Variants in CEMIP observed in about 807,000 individuals in gnomAD.
CEMIP encodes the protein cell migration inducing hyaluronidase 1, also known as cell migration-inducing and hyaluronan-binding protein.
A neutral mutation model predicts 156.9 loss-of-function variants in CEMIP; 105 were observed. That is an observed-to-expected ratio of 0.67 (90% CI 0.57 to 0.79). CEMIP has a LOEUF of 0.79. Among genes scored for constraint, CEMIP ranks in the 30% least tolerant of loss-of-function variants. The pLI, the probability that CEMIP is intolerant of heterozygous loss-of-function variation, is 0.00. For synonymous variants in CEMIP, 676 were observed against 668.4 expected (o/e 1.01, Z -0.17); for missense variants, 1,457 against 1,769.4 (o/e 0.82, Z 3.17).
Position 80,950,455 on chromosome 15 carries a change from C to G in CEMIP, c.*1531C>G, listed in dbSNP as rs1320211982. On this transcript the variant is annotated 3_prime_UTR_variant, in exon 30 of 30. Transcript: ENST00000394685. ...TAGCAGATCTCTTCCCTCCTGCTCC[C>G]AGCGCACACAAACCCGCCCTCCCCT... 1 of 152,280 alleles carries G rather than the reference C, an allele frequency of 6.6e-6. No individual in the cohort carries two copies. Among genetic ancestry groups the G allele is most frequent in the Non-Finnish European group, 1.5e-5 (1 of 68,080 alleles). The allele number at this position is 152,280 out of a possible 1,614,324, so 9.4% of individuals were successfully genotyped here.
intron 28 of CEMIP, among the ~76,000 whole-genome samples, chr15:80,946,052 A>G (rs766835278): frequency 4.7e-4 from 71 of 152,226 alleles, no homozygotes; most frequent in Non-Finnish European, 8.4e-4. Context: ...CCCCATTTGC[A>G]AAATAGAGGC....
At chr15:80,868,174 G>T (rs1274663130) in intron 1 of CEMIP, among the ~76,000 whole-genome samples, 4 of 152,144 alleles carry the variant, frequency 2.6e-5, no homozygotes, top group African/African-American at 9.7e-5. Flanking sequence ...CAAAGGAAGG[G>T]GGAAACATAG....
intron 28 of CEMIP, 76 bp from the exon 29 acceptor site, chr15:80,946,889 A>G: frequency 4.0e-6 from 4 of 1,000,654 alleles, no homozygotes; most frequent in Non-Finnish European, 6.3e-6. Flanking sequence ...ACCATGCACA[A>G]ACCAACATCC....
At chr15:80,929,811 A>G (rs1567106895) in intron 21 of CEMIP, among the ~76,000 whole-genome samples, 1 of 152,226 alleles carries the variant, frequency 6.6e-6, no homozygotes, top group Admixed American at 6.5e-5. Context: ...GACTGTCCTG[A>G]GGAGTCCTGG....
At chr15:80,900,585 G>GGTGTGTGTGT (rs57724852) in intron 12 of CEMIP, among the ~76,000 whole-genome samples, 969 of 74,928 alleles carry the variant, frequency 0.013, 79 homozygotes, top group African/African-American at 0.017. Context: ...CCCAGGTAGG[G>GGTGTGTGTGT]GTGTGTGTGT....
rs142828612 is a variant in CEMIP, at chr15:80,900,491, G to A, written c.1411+4431G>A. 2.9e-3 allele frequency among the ~76,000 whole-genome samples: 447 copies of A among 151,990 alleles called. 4 individuals are homozygous for A. The highest frequency in any genetic ancestry group is 0.01 in the Middle Eastern group (3 of 294). On this transcript the variant is annotated intron_variant, in intron 12 of 29. Transcript: ENST00000394685. ...TCCCTCCCTGAAGGACATTCGGCTC[G>A]GAGCAGCCACCTCCTTTGCCCTGCC...
chr15:80,852,091 G>C (rs1458098456), intron 1 of CEMIP, among the ~76,000 whole-genome samples: 1 of 152,238 alleles, frequency 6.6e-6, no homozygotes, highest in East Asian at 1.9e-4. Flanking sequence ...TTGCAGGGCA[G>C]GAAGGAGTGC....
intron 1 of CEMIP, among the ~76,000 whole-genome samples, chr15:80,795,422 T>C (rs1896196985): frequency 6.6e-6 from 1 of 151,624 alleles, no homozygotes; most frequent in African/African-American, 2.4e-5. Flanking sequence ...TGTGGGTGGA[T>C]CCAGCTGGTG....
At chr15:80,859,497 A>T (rs1897932674) in intron 1 of CEMIP, among the ~76,000 whole-genome samples, 1 of 152,256 alleles carries the variant, frequency 6.6e-6, no homozygotes, top group African/African-American at 2.4e-5. Flanking sequence ...TGCTCCCAGC[A>T]GACTATGCCT....
At chr15:80,894,697 T>C (rs531477317) in intron 10 of CEMIP, among the ~76,000 whole-genome samples, 1 of 152,326 alleles carries the variant, frequency 6.6e-6, no homozygotes, top group South Asian at 2.1e-4. Context: ...GGCTACTTAT[T>C]GTAAATGCTC....
chr15:80,810,561 C>T (rs566907547), intron 1 of CEMIP, among the ~76,000 whole-genome samples: 1 of 152,036 alleles, frequency 6.6e-6, no homozygotes, highest in Admixed American at 6.6e-5. Context: ...TAGAGATGGG[C>T]TTTCACCGTG....
intron 1 of CEMIP, among the ~76,000 whole-genome samples, chr15:80,855,696 C>T (rs779254407): frequency 6.6e-6 from 1 of 151,864 alleles, no homozygotes; most frequent in Non-Finnish European, 1.5e-5. Context: ...CTAATTTTTG[C>T]GTTTTTAGTA....
intron 1 of CEMIP, among the ~76,000 whole-genome samples, chr15:80,825,880 G>A (rs543976200): frequency 1.2e-4 from 19 of 152,294 alleles, no homozygotes; most frequent in Admixed American, 5.2e-4. Context: ...CAGACTGCCC[G>A]AGGGCACATT....
At chr15:80,936,224 G>T (rs1206176185) in intron 23 of CEMIP, among the ~76,000 whole-genome samples, 1 of 152,212 alleles carries the variant, frequency 6.6e-6, no homozygotes, top group African/African-American at 2.4e-5. Context: ...GGAGGGAGAA[G>T]TAGGCCAACA....
intron 12 of CEMIP, among the ~76,000 whole-genome samples, chr15:80,899,735 T>A (rs1567090087): frequency 6.6e-6 from 1 of 152,132 alleles, no homozygotes; most frequent in African/African-American, 2.4e-5. Flanking sequence ...CTACTGGATA[T>A]CCCCTGGCAG....
chr15:80,880,659 C>A (rs960071513), intron 5 of CEMIP, among the ~76,000 whole-genome samples: 2 of 152,224 alleles, frequency 1.3e-5, no homozygotes, highest in Non-Finnish European at 2.9e-5. Flanking sequence ...TGGTCTTGAA[C>A]TCCTGACCTC....
intron 4 of CEMIP, 55 bp from the exon 5 acceptor site, chr15:80,879,661 T>A: frequency 6.2e-7 from 1 of 1,611,968 alleles, no homozygotes; most frequent in Non-Finnish European, 8.5e-7. Context: ...GGCTCTGATA[T>A]AACCTTACCC....
At chr15:80,826,540 C>T (rs1030811139) in intron 1 of CEMIP, among the ~76,000 whole-genome samples, 4 of 152,202 alleles carry the variant, frequency 2.6e-5, no homozygotes, top group Admixed American at 6.5e-5. Flanking sequence ...ATGATCAGAG[C>T]GAGTCTTGCA....
chr15:80,942,999 G>A lies in CEMIP; in HGVS notation c.3754G>A (p.Asp1252Asn), dbSNP rs1476710779. 1 of 1,614,100 alleles carries A rather than the reference G, an allele frequency of 6.2e-7. No homozygotes were observed. Among genetic ancestry groups the A allele is most frequent in the African/African-American group, 1.3e-5 (1 of 74,926 alleles). ...GGATGGCATCCAGGTGGTGGTGATT[G>A]ACGGGAACCAAGGGCGCGTGGTGAG... is the stretch of plus-strand genomic sequence containing the variant. Reference protein sequence around the residue: ...SEDGIQVVVIDGNQGRVVSHT... With the variant: ...SEDGIQVVVINGNQGRVVSHT... Residue 1252 changes from aspartate to asparagine, a missense_variant, in exon 28 of 30, where the codon GAC becomes AAC. Asp to Asn is a conservative substitution (Grantham distance 23, BLOSUM62 1). Coordinates refer to ENST00000394685, the MANE Select transcript of CEMIP (RefSeq NM_001293298.2).
Sources: allele counts gnomAD v4.1 joint callset (sites outside exome capture counted in the v4.1 genomes callset), GRCh38; gene constraint gnomAD v4.1.1; transcripts MANE v1.5; gene names NCBI Gene and HGNC (gene_info 2026-07-23, HGNC 2026-07-21).